Variants in CORO2B observed in about 807,000 individuals in gnomAD.
CORO2B encodes coronin-2B.
In CORO2B, 26 loss-of-function variants were observed where a neutral mutation model predicts 58.8. That is an observed-to-expected ratio of 0.44 (90% CI 0.32 to 0.61). The LOEUF (loss-of-function observed/expected upper bound fraction) is 0.61. Among genes scored for constraint, CORO2B ranks in the 20% least tolerant of loss-of-function variants. The pLI is 0.04. For missense variants in CORO2B, 460 were observed against 645.1 expected, an observed-to-expected ratio of 0.71 and a Z score of 3.11; for synonymous variants, 242 against 253.8, an observed-to-expected ratio of 0.95 and a Z score of 0.44.
At chr15:68,543,468 G>A in the CORO2B span, among the ~76,000 whole-genome samples, 1 of 152,150 alleles carries the variant, frequency 6.6e-6, no homozygotes, top group South Asian at 2.1e-4. Context: ...GCATTGCAGA[G>A]ACAGAGGATA....
the CORO2B span, among the ~76,000 whole-genome samples, chr15:68,519,700 ATTTTC>A: frequency 1.3e-5 from 2 of 151,880 alleles, no homozygotes; most frequent in Non-Finnish European, 2.9e-5. Flanking sequence ...CCTTCTGACT[ATTTTC>A]TTTGCTATTT....
intron 3 of CORO2B, among the ~76,000 whole-genome samples, chr15:68,697,214 TTGGATGGATGGA>T (rs201619943): frequency 2.7e-5 from 4 of 148,006 alleles, no homozygotes; most frequent in Non-Finnish European, 6.0e-5. Context: ...GGATGGATTG[TTGGATGGATGGA>T]TGGATGGATG....
chr15:68,601,168 G>A (rs1318266683), intron 1 of CORO2B, among the ~76,000 whole-genome samples: 2 of 152,154 alleles, frequency 1.3e-5, no homozygotes, highest in Non-Finnish European at 2.9e-5. Context: ...TTCTCTCCTC[G>A]CTCCTCCACA....
At chr15:68,631,229 G>A (rs1182363415) in intron 1 of CORO2B, among the ~76,000 whole-genome samples, 3 of 152,322 alleles carry the variant, frequency 2.0e-5, no homozygotes, top group Admixed American at 6.5e-5. Context: ...CCACTTGCCC[G>A]TCAGTGGGTT....
chr15:68,524,871 C>A, the CORO2B span, among the ~76,000 whole-genome samples: 1 of 152,232 alleles, frequency 6.6e-6, no homozygotes, highest in South Asian at 2.1e-4. Context: ...GTTGCAGCAG[C>A]TGATCAGAGG....
the CORO2B span, among the ~76,000 whole-genome samples, chr15:68,523,733 C>A: frequency 2.6e-5 from 4 of 152,252 alleles, no homozygotes; most frequent in African/African-American, 9.6e-5. Context: ...TATCAGATAG[C>A]CTAAAGCTCT....
chr15:68,620,984 C>T (rs1232963533), intron 1 of CORO2B, among the ~76,000 whole-genome samples: 2 of 152,232 alleles, frequency 1.3e-5, no homozygotes, highest in East Asian at 3.8e-4. Flanking sequence ...ATATGCTGCT[C>T]CGCTTCCGGG....
intron 1 of CORO2B, among the ~76,000 whole-genome samples, chr15:68,615,507 A>G (rs376219142): frequency 1.3e-5 from 2 of 152,150 alleles, no homozygotes; most frequent in South Asian, 2.1e-4. Flanking sequence ...CAGAAGTGCT[A>G]TGGTTGAAAA....
chr15:68,724,552 T>A (rs1011051494), intron 11 of CORO2B, among the ~76,000 whole-genome samples: 1 of 152,206 alleles, frequency 6.6e-6, no homozygotes, highest in Non-Finnish European at 1.5e-5. Context: ...AGCCAAGATA[T>A]AGAATATTCT....
At chr15:68,554,786 A>G in the CORO2B span, among the ~76,000 whole-genome samples, 2 of 152,190 alleles carry the variant, frequency 1.3e-5, no homozygotes, top group Non-Finnish European at 2.9e-5. Context: ...CTAGGAAGGG[A>G]CGGAGCCAGG....
rs546709306 is a variant in CORO2B, at chr15:68,579,212, G to A, written c.-51G>A. 4 of 1,028,678 alleles carry A rather than the reference G, an allele frequency of 3.9e-6. No individual in the cohort carries two copies. The South Asian group carries it at 1.3e-4, about 34-fold the overall frequency. The allele number at this position is 1,028,678 out of a possible 1,614,324, so 63.7% of individuals were successfully genotyped here. A position where few individuals can be genotyped will look rare whatever the true frequency, so the allele number is the denominator to read the frequency against. On this transcript the variant is annotated 5_prime_UTR_variant, in exon 1 of 12. Coordinates refer to ENST00000261861, the MANE Select transcript of CORO2B (RefSeq NM_006091.5). ...TCCGCCGCCGCCCCGGGCCGCCGCC[G>A]CCGCCCCCGCACGCCGCGCCCGCGC...
chr15:68,717,102 G>C (rs1339320643), intron 8 of CORO2B, among the ~76,000 whole-genome samples: 1 of 151,960 alleles, frequency 6.6e-6, no homozygotes, highest in Non-Finnish European at 1.5e-5. Flanking sequence ...TCAGGAGTTC[G>C]AGACCAGTCT....
At chr15:68,586,898 T>G (rs1899573780) in intron 1 of CORO2B, among the ~76,000 whole-genome samples, 1 of 152,172 alleles carries the variant, frequency 6.6e-6, no homozygotes, top group Non-Finnish European at 1.5e-5. Context: ...GAGAAGTCAT[T>G]TATTTTTCCA....
At position 68,579,064 on chromosome 15, in the gene CORO2B, G is replaced by C. The variant is rs1244360283; in HGVS notation, c.-199G>C. The C allele has an allele frequency of 3.0e-6, 3 of 983,872 alleles. No homozygotes were observed. The highest frequency in any genetic ancestry group is 3.6e-6 in the Non-Finnish European group (3 of 829,472). The allele number at this position is 983,872 out of a possible 1,614,324, so 60.9% of individuals were successfully genotyped here. ...ATGCACATTCGGGGCTGACATCAGC[G>C]ACGAGCGGCGGGCGAGCGCCGACGA... is the stretch of plus-strand genomic sequence containing the variant. On this transcript the variant is annotated 5_prime_UTR_variant, in exon 1 of 12. Coordinates refer to ENST00000261861, the MANE Select transcript of CORO2B (RefSeq NM_006091.5).
At chr15:68,596,245 A>G (rs935569206) in intron 1 of CORO2B, among the ~76,000 whole-genome samples, 4 of 152,014 alleles carry the variant, frequency 2.6e-5, no homozygotes, top group African/African-American at 9.7e-5. Flanking sequence ...GGTGAATAAA[A>G]CAGGAACAGT....
intron 2 of CORO2B, among the ~76,000 whole-genome samples, chr15:68,682,951 C>T (rs2140303734): frequency 6.6e-6 from 1 of 152,304 alleles, no homozygotes; most frequent in Admixed American, 6.5e-5. Context: ...GGAGAGTCCT[C>T]TTTTCCCTCC....
the CORO2B span, among the ~76,000 whole-genome samples, chr15:68,550,484 A>C: frequency 1.3e-5 from 2 of 152,334 alleles, no homozygotes; most frequent in South Asian, 4.1e-4. Flanking sequence ...TCTCAAGCTC[A>C]GTTTCATCAT....
the CORO2B span, among the ~76,000 whole-genome samples, chr15:68,560,552 G>A: frequency 1.3e-5 from 2 of 152,092 alleles, no homozygotes; most frequent in African/African-American, 2.4e-5. Context: ...TCCTGCCTCC[G>A]TTTCCCAAAG....
chr15:68,630,678 A>T (rs1030573737), intron 1 of CORO2B, among the ~76,000 whole-genome samples: 1 of 152,124 alleles, frequency 6.6e-6, no homozygotes, highest in Non-Finnish European at 1.5e-5. Flanking sequence ...TAGGATTTTC[A>T]TGGTTTTTCA....
Sources: allele counts gnomAD v4.1 joint callset (sites outside exome capture counted in the v4.1 genomes callset), GRCh38; gene constraint gnomAD v4.1.1; transcripts MANE v1.5; gene names NCBI Gene and HGNC (gene_info 2026-07-23, HGNC 2026-07-21).